CAVIN2: variants seen among roughly 807,000 people sequenced by gnomAD.
CAVIN2 encodes the protein caveolae-associated protein 2.
Under a neutral mutation model 11.7 loss-of-function variants are expected in CAVIN2, and 13 were observed. That is an observed-to-expected ratio of 1.11 (90% CI 0.72 to 1.77). CAVIN2 has a LOEUF of 1.77. CAVIN2 is among the 40% of genes most tolerant of loss of function. The pLI is 0.00. For missense variants in CAVIN2, 549 were observed against 542.9 expected (o/e 1.01, Z -0.11); for synonymous variants, 237 against 223.2 (o/e 1.06, Z -0.55).
rs745935100 is a variant in CAVIN2, at chr2:191,836,572, T to TG, written c.628dup (p.His210ProfsTer3). The TG allele has an allele frequency of 5.0e-6, 8 of 1,614,018 alleles. No individual in the cohort carries two copies. The highest frequency in any genetic ancestry group is 4.0e-5 in the African/African-American group (3 of 74,912). On this transcript the variant is annotated frameshift_variant, in exon 2 of 2. Coordinates refer to ENST00000304141, the MANE Select transcript of CAVIN2 (RefSeq NM_004657.6). LOFTEE classifies it low-confidence loss of function (END_TRUNC). ...ACTGTCTTCCAGGGCCTCCTCATCG[T>TG]GGGGCAAATCATCATCTGAGGAGAG... is the stretch of plus-strand genomic sequence containing the variant.
At position 191,846,513 on chromosome 2, in the gene CAVIN2, T is replaced by A; in HGVS notation, c.413A>T (p.Gln138Leu). The A allele has an allele frequency of 6.2e-7, 1 of 1,614,264 alleles. No individual in the cohort carries two copies. Among genetic ancestry groups the A allele is most frequent in the Non-Finnish European group, 8.5e-7 (1 of 1,180,046 alleles). The stretch of plus-strand genomic sequence containing the variant: ...GTGGTTGTTCTCCAGCCGCTTCACC[T>A]GTGCGCACTGCCTATCCATGCGCTC... ...VKERMDRQCA[Q>L]VKRLENNHAQ... Residue 138 changes from glutamine to leucine, a missense_variant, in exon 1 of 2, where the codon CAG becomes CTG. Transcript: ENST00000304141.
At chr2:191,842,760 T>C (rs1690111315) in intron 1 of CAVIN2, among the ~76,000 whole-genome samples, 1 of 152,256 alleles carries the variant, frequency 6.6e-6, no homozygotes, top group Admixed American at 6.5e-5. Flanking sequence ...CTACTGGTTA[T>C]AATTTAAAGT....
At chr2:191,837,776 G>C (rs1057495797) in intron 1 of CAVIN2, among the ~76,000 whole-genome samples, 4 of 152,226 alleles carry the variant, frequency 2.6e-5, no homozygotes, top group African/African-American at 9.6e-5. Flanking sequence ...ACTGGAAAAG[G>C]AGAGCCAGTC....
chr2:191,842,800 T>C (rs1279407559), intron 1 of CAVIN2, among the ~76,000 whole-genome samples: 1 of 152,252 alleles, frequency 6.6e-6, no homozygotes, highest in African/African-American at 2.4e-5. Context: ...GCTTAACAGC[T>C]ATAACAATGT....
chr2:191,846,960 A>G lies in CAVIN2; in HGVS notation c.-35T>C, dbSNP rs756543753. The stretch of plus-strand genomic sequence containing the variant: ...GGTGGGAACGTTCTTTCTCTCTGGG[A>G]GCTGCTTCTTGCTCGGGTGAGAAGT... On this transcript the variant is annotated 5_prime_UTR_variant, in exon 1 of 2. Coordinates refer to ENST00000304141, the MANE Select transcript of CAVIN2 (RefSeq NM_004657.6). 1.3e-6 allele frequency: 2 copies of G among 1,559,974 alleles called. No homozygotes were observed. The highest frequency in any genetic ancestry group is 1.9e-5 in the Admixed American group (1 of 52,804).
At position 191,835,633 on chromosome 2, in the gene CAVIN2, T is replaced by C. The variant is rs1690001481; in HGVS notation, c.*290A>G. 5.4e-6 allele frequency: 2 copies of C among 371,174 alleles called. No individual in the cohort carries two copies. Among genetic ancestry groups the C allele is most frequent in the Admixed American group, 8.3e-5 (2 of 24,222 alleles). 23.0% of individuals were successfully genotyped at this position (371,174 alleles called of 1,614,324 possible). ...GTATCTTAATTATCCTCTGTTTTTTTCTGACTAAGTCAAAGAGATTAGCAT... is the reference window on the plus strand; with the variant it reads ...GTATCTTAATTATCCTCTGTTTTTTCCTGACTAAGTCAAAGAGATTAGCAT... On this transcript the variant is annotated 3_prime_UTR_variant, in exon 2 of 2. Coordinates refer to ENST00000304141, the MANE Select transcript of CAVIN2 (RefSeq NM_004657.6).
Position 191,836,375 on chromosome 2 carries a change from T to C in CAVIN2, c.826A>G (p.Thr276Ala). The C allele has an allele frequency of 6.2e-7, 1 of 1,614,210 alleles. No homozygotes were observed. The highest frequency in any genetic ancestry group is 8.5e-7 in the Non-Finnish European group (1 of 1,180,040). Reference sequence around the variant, plus strand: ...GAGGATATTTTCTGGTGATTTGACGTGAGAGATTTCTTAATCTTCTCTCTC... The same window carrying C: ...GAGGATATTTTCTGGTGATTTGACGCGAGAGATTTCTTAATCTTCTCTCTC... Reference protein sequence around the residue: ...ERREKIKKSLTSNHQKISSGK... With the variant: ...ERREKIKKSLASNHQKISSGK... Residue 276 changes from threonine (T) to alanine (A), a missense_variant, in exon 2 of 2, where the codon ACG (threonine) becomes GCG (alanine). Coordinates refer to ENST00000304141, the MANE Select transcript of CAVIN2 (RefSeq NM_004657.6).
intron 1 of CAVIN2, among the ~76,000 whole-genome samples, chr2:191,844,105 G>A (rs1690132599): frequency 6.6e-6 from 1 of 152,268 alleles, no homozygotes; most frequent in South Asian, 2.1e-4. Context: ...AATATCATCA[G>A]TGTATAGATG....
chr2:191,845,056 A>C lies in CAVIN2; in HGVS notation c.483+1387T>G, dbSNP rs368359424. 2.6e-4 allele frequency among the ~76,000 whole-genome samples: 40 copies of C among 152,308 alleles called. No individual in the cohort carries two copies. The East Asian group carries it at 6.9e-3, about 26-fold the overall frequency. On this transcript the variant is annotated intron_variant, in intron 1 of 1. Transcript: ENST00000304141. ...TGAGATTTCTAATATCTCTTAGGCT[A>C]ATAAAGTAAGGATCTCATATGGCTT... is the stretch of plus-strand genomic sequence containing the variant.
chr2:191,845,476 C>T (rs992492174), intron 1 of CAVIN2, among the ~76,000 whole-genome samples: 1 of 152,236 alleles, frequency 6.6e-6, no homozygotes. Flanking sequence ...CACAACGAGA[C>T]AGCCCTGGAG....
In CAVIN2 at chr2:191,835,755, C is replaced by T. The variant is rs1481730284; in HGVS notation, c.*168G>A. 3.1e-6 allele frequency: 2 copies of T among 644,810 alleles called. No homozygotes were observed. Among genetic ancestry groups the T allele is most frequent in the African/African-American group, 3.6e-5 (2 of 54,972 alleles). The allele number at this position is 644,810 out of a possible 1,614,324, so 39.9% of individuals were successfully genotyped here. A position where few individuals can be genotyped will look rare whatever the true frequency, so the allele number is the denominator to read the frequency against. On this transcript the variant is annotated 3_prime_UTR_variant, in exon 2 of 2. Coordinates refer to ENST00000304141, the MANE Select transcript of CAVIN2 (RefSeq NM_004657.6). ...AGTGGAGTCCGTGACAGGTCGCTTTCATGGTAAAGCCTGGTCTCGTGTGTC... is the reference window on the plus strand; with the variant it reads ...AGTGGAGTCCGTGACAGGTCGCTTTTATGGTAAAGCCTGGTCTCGTGTGTC...
chr2:191,843,315 G>C (rs1690119895), intron 1 of CAVIN2, among the ~76,000 whole-genome samples: 2 of 152,134 alleles, frequency 1.3e-5, no homozygotes, highest in South Asian at 4.1e-4. Flanking sequence ...TACCAAATAT[G>C]CTCAGGTCAT....
intron 1 of CAVIN2, among the ~76,000 whole-genome samples, chr2:191,845,312 A>AT (rs548404474): frequency 2.6e-5 from 4 of 152,336 alleles, no homozygotes; most frequent in Non-Finnish European, 5.9e-5. Flanking sequence ...GGCAGAGCAG[A>AT]TTCATTTTGA....
Position 191,846,471 on chromosome 2 carries a change from C to T in CAVIN2, c.455G>A (p.Arg152His), listed in dbSNP as rs372062229. ...LENNHAQLLRRNHFKVLIFQE... is the reference protein window; with the variant it reads ...LENNHAQLLRHNHFKVLIFQE... ...GAAGATGAGCACTTTGAAATGGTTG[C>T]GTCGGAGGAGCTGGGCGTGGTTGTT... is the stretch of plus-strand genomic sequence containing the variant. Residue 152 changes from arginine to histidine, a missense_variant, in exon 1 of 2, where the codon CGC (arginine) becomes CAC (histidine). Transcript: ENST00000304141. The T allele has an allele frequency of 6.6e-5, 107 of 1,613,306 alleles. No individual in the cohort carries two copies. The highest frequency in any genetic ancestry group is 7.5e-5 in the Non-Finnish European group (89 of 1,179,652).
At chr2:191,845,543 G>T (rs907701574) in intron 1 of CAVIN2, among the ~76,000 whole-genome samples, 2 of 152,178 alleles carry the variant, frequency 1.3e-5, no homozygotes, top group Admixed American at 6.5e-5. Flanking sequence ...TGGGCGGAAG[G>T]GCTTCCAGCA....
chr2:191,844,832 A>G (rs1574196458), intron 1 of CAVIN2, among the ~76,000 whole-genome samples: 1 of 152,180 alleles, frequency 6.6e-6, no homozygotes, highest in African/African-American at 2.4e-5. Flanking sequence ...AACAAAACCC[A>G]ATCCTGACGA....
rs61735649 is a variant in CAVIN2, at chr2:191,836,681, G to A, written c.520C>T (p.Gln174Ter). ...CCTTCCACGGCACCGGAAACGGGCT[G>A]TTTCACAAACACGCTGGCAGGGATC... The part of the protein sequence containing the change: ...NEIPASVFVK[Q>*]PVSGAVEGKE... Residue 174 changes from glutamine to a stop codon, truncating the protein, a stop_gained, in exon 2 of 2, where the codon CAG becomes TAG. Coordinates refer to ENST00000304141, the MANE Select transcript of CAVIN2 (RefSeq NM_004657.6). LOFTEE classifies it low-confidence loss of function (END_TRUNC). The A allele has an allele frequency of 1.2e-6, 2 of 1,613,594 alleles. No individual in the cohort carries two copies. The highest frequency in any genetic ancestry group is 3.3e-5 in the Admixed American group (2 of 59,956).
chr2:191,846,486 G>C lies in CAVIN2; in HGVS notation c.440C>G (p.Ala147Gly). The C allele has an allele frequency of 6.2e-7, 1 of 1,614,158 alleles. No homozygotes were observed. Among genetic ancestry groups the C allele is most frequent in the Non-Finnish European group, 8.5e-7 (1 of 1,180,006 alleles). The change falls in exon 1 of 2, where the codon GCC becomes GGC. Residue 147 changes from alanine (A) to glycine (G), a missense_variant. Coordinates refer to ENST00000304141, the MANE Select transcript of CAVIN2 (RefSeq NM_004657.6). ...AQVKRLENNH[A>G]QLLRRNHFKV... ...GAAATGGTTGCGTCGGAGGAGCTGG[G>C]CGTGGTTGTTCTCCAGCCGCTTCAC...
intron 1 of CAVIN2, among the ~76,000 whole-genome samples, chr2:191,844,251 T>C (rs1431995012): frequency 6.6e-6 from 1 of 152,186 alleles, no homozygotes; most frequent in African/African-American, 2.4e-5. Flanking sequence ...CACTCTCTAA[T>C]ACAAATTATT....
Sources: gnomAD v4.1 joint callset for allele counts (sites outside exome capture counted in the v4.1 genomes callset) on GRCh38, gnomAD v4.1.1 for gene constraint, MANE v1.5 for transcripts, NCBI Gene and HGNC (gene_info 2026-07-23, HGNC 2026-07-21) for gene names.